The following PDE1C variants were observed in gnomAD, a reference collection of about 807,000 sequenced individuals.
PDE1C encodes the protein dual specificity calcium/calmodulin-dependent 3',5'-cyclic nucleotide phosphodiesterase 1C.
In PDE1C, 62 loss-of-function variants were observed where a neutral mutation model predicts 93.1. That is an observed-to-expected ratio of 0.67 (90% confidence interval 0.54 to 0.82). PDE1C has a LOEUF of 0.82. Among genes scored for constraint, PDE1C ranks in the 40% least tolerant of loss-of-function variants. The pLI, the probability that PDE1C is intolerant of heterozygous loss-of-function variation, is 0.00. For missense variants in PDE1C, 742 were observed against 884.6 expected, an observed-to-expected ratio of 0.84 and a Z score of 2.04; for synonymous variants, 325 against 310.1, an observed-to-expected ratio of 1.05 and a Z score of -0.50.
At chr7:31,796,510 T>C (rs1261000596) in intron 16 of PDE1C, among the ~76,000 whole-genome samples, 1 of 151,750 alleles carries the variant, frequency 6.6e-6, no homozygotes, top group African/African-American at 2.4e-5. Context: ...AATGCATTGA[T>C]TTGAAATGGA....
At chr7:31,772,631 C>T (rs1028370259) in intron 17 of PDE1C, among the ~76,000 whole-genome samples, 4 of 151,672 alleles carry the variant, frequency 2.6e-5, no homozygotes, top group African/African-American at 7.3e-5. Context: ...GAGTGTTTGT[C>T]AAAAAATGAA....
the PDE1C span, among the ~76,000 whole-genome samples, chr7:31,656,711 C>T: frequency 1.6e-4 from 25 of 152,152 alleles, no homozygotes; most frequent in African/African-American, 5.1e-4. Flanking sequence ...TATTTGTGGA[C>T]GGTTTTGACA....
At chr7:32,268,763 A>G (rs1376932624) in intron 1 of PDE1C, among the ~76,000 whole-genome samples, 3 of 152,172 alleles carry the variant, frequency 2.0e-5, no homozygotes, top group Non-Finnish European at 4.4e-5. Context: ...TAACATTCCA[A>G]AAAATATGCC....
Position 32,089,487 on chromosome 7 carries a change from C to G in PDE1C, c.308+80298G>C, listed in dbSNP as rs150738490. ...TTTTGCAATTACCAACCACGTCAAG[C>G]TATCTTTAAGCAGCTTTAAAGATTT... On this transcript the variant is annotated intron_variant, in intron 3 of 18. Transcript: ENST00000396193. 3.5e-3 allele frequency among the ~76,000 whole-genome samples: 532 copies of G among 152,264 alleles called. 1 individual carries two copies. The highest frequency in any genetic ancestry group is 0.012 in the African/African-American group (509 of 41,538).
the PDE1C span, chr7:31,708,383 C>T: frequency 6.6e-6 from 1 of 152,224 alleles, no homozygotes; most frequent in Non-Finnish European, 1.5e-5. Flanking sequence ...CTGTTTAATC[C>T]CTTCTGTCTT....
chr7:32,072,332 A>G (rs936055116), upstream of PDE1C, among the ~76,000 whole-genome samples: 4 of 152,208 alleles, frequency 2.6e-5, no homozygotes, highest in Non-Finnish European at 5.9e-5. Context: ...TTTAAGGTTT[A>G]TGGAGGCGCA....
At chr7:31,683,539 C>G in the PDE1C span, among the ~76,000 whole-genome samples, 1 of 152,052 alleles carries the variant, frequency 6.6e-6, no homozygotes, top group African/African-American at 2.4e-5. Context: ...AGACACAGTG[C>G]TCACTTACCA....
chr7:32,314,716 C>A (rs143599057), intron 1 of PDE1C, among the ~76,000 whole-genome samples: 1 of 152,120 alleles, frequency 6.6e-6, no homozygotes, highest in Non-Finnish European at 1.5e-5. Context: ...TCAGTGGCAT[C>A]CTTGGCAACA....
At chr7:31,922,599 A>G (rs1405332310) in intron 2 of PDE1C, among the ~76,000 whole-genome samples, 1 of 152,188 alleles carries the variant, frequency 6.6e-6, no homozygotes, top group Non-Finnish European at 1.5e-5. Context: ...TCTTTCTCTT[A>G]CAGTTAACCA....
chr7:31,839,929 T>C (rs1466709769), intron 9 of PDE1C, among the ~76,000 whole-genome samples: 2 of 152,068 alleles, frequency 1.3e-5, no homozygotes, highest in Non-Finnish European at 2.9e-5. Context: ...CCCAGCTACT[T>C]AGGAGGCTGA....
At chr7:32,169,464 T>A (rs1405628192) in intron 3 of PDE1C, among the ~76,000 whole-genome samples, 1 of 152,218 alleles carries the variant, frequency 6.6e-6, no homozygotes, top group Non-Finnish European at 1.5e-5. Flanking sequence ...CTTATCTGGA[T>A]GTGTCATCCT....
intron 1 of PDE1C, among the ~76,000 whole-genome samples, chr7:32,279,610 A>G (rs1811498073): frequency 6.6e-6 from 1 of 152,188 alleles, no homozygotes; most frequent in Admixed American, 6.5e-5. Flanking sequence ...GTCAATTAAA[A>G]ATAAAATAAA....
chr7:32,103,657 T>G (rs1798146525), intron 3 of PDE1C, among the ~76,000 whole-genome samples: 1 of 152,210 alleles, frequency 6.6e-6, no homozygotes, highest in South Asian at 2.1e-4. Flanking sequence ...GCTGTTAGCT[T>G]GTAATGCTCT....
intron 2 of PDE1C, among the ~76,000 whole-genome samples, chr7:31,949,457 T>C (rs1167163617): frequency 6.6e-6 from 1 of 152,060 alleles, no homozygotes; most frequent in Non-Finnish European, 1.5e-5. Context: ...TGAAACTCCG[T>C]CTCACAAAAA....
chr7:32,176,350 G>A (rs1360144407), intron 2 of PDE1C, among the ~76,000 whole-genome samples: 2 of 152,102 alleles, frequency 1.3e-5, no homozygotes, highest in African/African-American at 4.8e-5. Flanking sequence ...GAAACAAGGG[G>A]AAATATATTT....
the PDE1C span, among the ~76,000 whole-genome samples, chr7:31,734,272 T>C: frequency 6.6e-6 from 1 of 152,082 alleles, no homozygotes; most frequent in South Asian, 2.1e-4. Context: ...TATATCTGAA[T>C]GGTCGTAAAG....
intron 1 of PDE1C, among the ~76,000 whole-genome samples, chr7:32,220,374 T>G (rs1243291243): frequency 6.6e-6 from 1 of 152,208 alleles, no homozygotes; most frequent in Non-Finnish European, 1.5e-5. Flanking sequence ...TATTCCCTTT[T>G]TCAGATGAGG....
chr7:31,626,392 G>T, the PDE1C span, among the ~76,000 whole-genome samples: 3 of 152,208 alleles, frequency 2.0e-5, no homozygotes, highest in Non-Finnish European at 4.4e-5. Flanking sequence ...GTTCTAAGAA[G>T]TGTCACTGAT....
intron 3 of PDE1C, among the ~76,000 whole-genome samples, chr7:32,116,245 G>A (rs1383299248): frequency 6.6e-6 from 1 of 152,130 alleles, no homozygotes; most frequent in Non-Finnish European, 1.5e-5. Flanking sequence ...ACCTACAACT[G>A]TAATGTCATG....
Sources: gnomAD v4.1 joint callset for allele counts (sites outside exome capture counted in the v4.1 genomes callset) on GRCh38, gnomAD v4.1.1 for gene constraint, MANE v1.5 for transcripts, NCBI Gene and HGNC (gene_info 2026-07-23, HGNC 2026-07-21) for gene names.